UGT3A2: variants seen among roughly 807,000 people sequenced by gnomAD.
UGT3A2 encodes the protein UDP glycosyltransferase family 3 member A2.
In UGT3A2, 32 loss-of-function variants were observed where a neutral mutation model predicts 39.8. The observed-to-expected ratio is 0.80, with a 90% CI of 0.61 to 1.08. UGT3A2 has a LOEUF of 1.08. Among genes scored for constraint, UGT3A2 ranks in the 50% least tolerant of loss-of-function variants. The pLI is 0.00. For synonymous variants in UGT3A2, 241 were observed against 230.7 expected (o/e 1.04, Z -0.40); for missense variants, 611 against 637.1 (o/e 0.96, Z 0.44).
intron 2 of UGT3A2, among the ~76,000 whole-genome samples, chr5:36,054,807 C>A (rs1742454275): frequency 6.6e-6 from 1 of 152,192 alleles, no homozygotes; most frequent in African/African-American, 2.4e-5. Context: ...GGGCTAGAAG[C>A]TCTGCCATCT....
chr5:36,037,796 C>A lies in UGT3A2; in HGVS notation c.1295+1G>T. The A allele has an allele frequency of 6.2e-7, 1 of 1,614,218 alleles. No homozygotes were observed. The highest frequency in any genetic ancestry group is 8.5e-7 in the Non-Finnish European group (1 of 1,180,040). On this transcript the variant is annotated splice_donor_variant, in intron 6 of 6. Coordinates refer to ENST00000282507, the MANE Select transcript of UGT3A2 (RefSeq NM_174914.4). LOFTEE classifies it high-confidence loss of function. ...GACCACAACCCCAAGGAGCTGCATACCTCTTGTCTTCCATGATTTGTTTCA... is the reference window on the plus strand; with the variant it reads ...GACCACAACCCCAAGGAGCTGCATAACTCTTGTCTTCCATGATTTGTTTCA...
rs192156666 is a variant in UGT3A2 at position 36,050,599 on chromosome 5, C to T, written c.312-1179G>A. Among the ~76,000 whole-genome samples, 586 of 152,312 alleles carry T rather than the reference C, an allele frequency of 3.8e-3. 5 individuals carry two copies. The highest frequency in any genetic ancestry group is 6.8e-3 in the Middle Eastern group (2 of 294). On this transcript the variant is annotated intron_variant, in intron 3 of 6. Coordinates refer to ENST00000282507, the MANE Select transcript of UGT3A2 (RefSeq NM_174914.4). ...CAGTAATGGGCTGGGTGCGGTGGCT[C>T]ACGCCTGTATCCCAGCACTTTGGAG...
rs757605176 is a variant in UGT3A2 at position 36,037,802 on chromosome 5, GTC to G, written c.1288_1289del (p.Asp430GlnfsTer30). ...AACCCCAAGGAGCTGCATACCTCTT[GTC>G]TTCCATGATTTGTTTCATCTTAAGA... ...LALKMKQIME[D>X]KRYKSAAVAA... On this transcript the variant is annotated frameshift_variant, in exon 6 of 7. Transcript: ENST00000282507. LOFTEE classifies it low-confidence loss of function (END_TRUNC). The G allele has an allele frequency of 5.6e-6, 9 of 1,614,188 alleles. No individual in the cohort carries two copies. The Admixed American group carries it at 1.3e-4, about 24-fold the overall frequency.
intron 2 of UGT3A2, among the ~76,000 whole-genome samples, chr5:36,063,486 A>G (rs1035149568): frequency 1.3e-5 from 2 of 152,226 alleles, no homozygotes; most frequent in Non-Finnish European, 2.9e-5. Flanking sequence ...TCTCAGCCAT[A>G]GACTCCTAAC....
At chr5:36,045,775 A>G (rs1019671960) in intron 4 of UGT3A2, among the ~76,000 whole-genome samples, 1 of 152,140 alleles carries the variant, frequency 6.6e-6, no homozygotes, top group African/African-American at 2.4e-5. Flanking sequence ...TGGACAAATG[A>G]GATCACATCA....
chr5:36,035,849 T>G lies in UGT3A2; in HGVS notation c.1421A>C (p.Tyr474Ser), dbSNP rs150627093. 1.7e-5 allele frequency: 27 copies of G among 1,614,126 alleles called. No individual in the cohort carries two copies. The highest frequency in any genetic ancestry group is 2.2e-5 in the Non-Finnish European group (26 of 1,180,032). Residue 474 changes from tyrosine to serine, a missense_variant, in exon 7 of 7, where the codon TAT (tyrosine) becomes TCT (serine). Tyr to Ser is a moderately radical substitution (Grantham distance 144). Transcript: ENST00000282507. Reference sequence around the variant, plus strand: ...CTCATGCCAGGGCTGCTGAAAGACATAGGGCTTGAGGTGCGTCGCGCCCCC... The same window carrying G: ...CTCATGCCAGGGCTGCTGAAAGACAGAGGGCTTGAGGTGCGTCGCGCCCCC... ...QTGGATHLKP[Y>S]VFQQPWHEQY...
At chr5:36,044,625 C>T (rs1389148968) in intron 4 of UGT3A2, among the ~76,000 whole-genome samples, 1 of 152,102 alleles carries the variant, frequency 6.6e-6, no homozygotes, top group African/African-American at 2.4e-5. Flanking sequence ...TCCACAAATT[C>T]AGTAAAGTTG....
intron 2 of UGT3A2, among the ~76,000 whole-genome samples, chr5:36,058,937 A>G (rs993925649): frequency 2.0e-5 from 3 of 152,184 alleles, no homozygotes; most frequent in African/African-American, 7.2e-5. Context: ...AGACCTGAAG[A>G]GACCTGCAGG....
intron 2 of UGT3A2, among the ~76,000 whole-genome samples, chr5:36,061,768 G>T (rs201815675): frequency 1.6e-4 from 24 of 146,696 alleles, no homozygotes; most frequent in Middle Eastern, 3.5e-3. Context: ...TAATGGGATG[G>T]CTGGGTCAAA....
At chr5:36,065,711 T>C (rs1196828800) in intron 1 of UGT3A2, among the ~76,000 whole-genome samples, 2 of 152,188 alleles carry the variant, frequency 1.3e-5, no homozygotes, top group African/African-American at 4.8e-5. Context: ...AAGAAAACCC[T>C]GAGTTAATTC....
intron 3 of UGT3A2, among the ~76,000 whole-genome samples, 193 bp downstream of exon 3, chr5:36,051,677 A>G (rs1033566487): frequency 1.3e-5 from 2 of 152,152 alleles, no homozygotes; most frequent in Admixed American, 6.5e-5. Context: ...ATGATGTGGC[A>G]TGCAGTACTC....
intron 2 of UGT3A2, among the ~76,000 whole-genome samples, chr5:36,052,960 A>C (rs1742396598): frequency 1.3e-5 from 2 of 152,318 alleles, no homozygotes; most frequent in Middle Eastern, 3.4e-3. Flanking sequence ...AGTTGGCTAG[A>C]ATGTTTTTTT....
intron 2 of UGT3A2, 36 bp from the exon 3 acceptor site, chr5:36,052,020 A>AT: frequency 7.5e-7 from 1 of 1,329,824 alleles, no homozygotes; most frequent in Non-Finnish European, 1.0e-6. Flanking sequence ...AAAAAGTTAA[A>AT]TATGCTACAC....
intron 2 of UGT3A2, among the ~76,000 whole-genome samples, chr5:36,056,991 T>A (rs1413799236): frequency 6.6e-6 from 1 of 152,240 alleles, no homozygotes; most frequent in African/African-American, 2.4e-5. Flanking sequence ...AATCTCCAGT[T>A]CTACTCACAG....
In UGT3A2 at chr5:36,035,969, T is replaced by A. The variant is rs767158480; in HGVS notation, c.1301A>T (p.Lys434Met). The change falls in exon 7 of 7, where the codon AAG (lysine) becomes ATG (methionine). Residue 434 changes from lysine (K) to methionine (M), a missense_variant. Lys to Met is a moderately conservative substitution (Grantham distance 95). Coordinates refer to ENST00000282507, the MANE Select transcript of UGT3A2 (RefSeq NM_174914.4). ...MKQIMEDKRY[K>M]SAAVAASVIL... ...GACACTGGCAGCCACTGCCGCGGACTTGTATCTGTTGAGAGAGATAGAGAG... is the reference window on the plus strand; with the variant it reads ...GACACTGGCAGCCACTGCCGCGGACATGTATCTGTTGAGAGAGATAGAGAG... 6.2e-7 allele frequency: 1 copy of A among 1,613,518 alleles called. No individual in the cohort carries two copies. The highest frequency in any genetic ancestry group is 1.1e-5 in the South Asian group (1 of 91,048).
At position 36,051,923 on chromosome 5, in the gene UGT3A2, T is replaced by G. The variant is rs780849938; in HGVS notation, c.258A>C (p.Gln86His). Residue 86 changes from glutamine to histidine, a missense_variant, in exon 3 of 7, where the codon CAA (glutamine) becomes CAC (histidine). Coordinates refer to ENST00000282507, the MANE Select transcript of UGT3A2 (RefSeq NM_174914.4). ...VISWLAPEDH[Q>H]REFKKSFDFF... ...AATCAAAACTCTTTTTAAATTCTCT[T>G]TGATGATCTTCAGGTGCAAGCCAAC... 3.8e-6 allele frequency: 6 copies of G among 1,593,788 alleles called. No homozygotes were observed. The highest frequency in any genetic ancestry group is 5.1e-6 in the Non-Finnish European group (6 of 1,175,068).
chr5:36,040,709 A>G (rs1446988245), intron 4 of UGT3A2, among the ~76,000 whole-genome samples: 1 of 152,200 alleles, frequency 6.6e-6, no homozygotes, highest in East Asian at 1.9e-4. Flanking sequence ...TGGTTAGACC[A>G]AGCACCGCAG....
Position 36,037,925 on chromosome 5 carries a change from A to G in UGT3A2, c.1167T>C (p.Pro389=), listed in dbSNP as rs1741881234. The G allele has an allele frequency of 6.2e-7, 1 of 1,614,014 alleles. No homozygotes were observed. The highest frequency in any genetic ancestry group is 8.5e-7 in the Non-Finnish European group (1 of 1,180,026). ...IQHGVPMVGI[P]LFGDQPENMV... ...TGTTTTCAGGCTGGTCTCCAAAGAG[A>G]GGGATCCCCACCATGGGCACACCAT... Residue 389 remains proline (P), a synonymous_variant, in exon 6 of 7, where the codon CCT becomes CCC. Coordinates refer to ENST00000282507, the MANE Select transcript of UGT3A2 (RefSeq NM_174914.4).
intron 2 of UGT3A2, among the ~76,000 whole-genome samples, chr5:36,054,387 T>C (rs147309182): frequency 2.6e-5 from 4 of 152,300 alleles, no homozygotes; most frequent in Non-Finnish European, 5.9e-5. Flanking sequence ...TATACACCCC[T>C]CTTGGAATGA....
Sources: allele counts gnomAD v4.1 joint callset (sites outside exome capture counted in the v4.1 genomes callset), GRCh38; gene constraint gnomAD v4.1.1; transcripts MANE v1.5; gene names NCBI Gene and HGNC (gene_info 2026-07-23, HGNC 2026-07-21).